Variants in CDH13 observed in about 807,000 individuals in gnomAD.
CDH13 encodes the protein cadherin 13, also known as cadherin-13.
CDH13 carries 24 observed loss-of-function variants against 63.8 expected under a neutral mutation model. That is an observed-to-expected ratio of 0.38 (90% CI 0.27 to 0.53). The LOEUF is 0.53. Among genes scored for constraint, CDH13 ranks in the 20% least tolerant of loss-of-function variants. The pLI, the probability that CDH13 is intolerant of heterozygous loss-of-function variation, is 0.85. For missense variants in CDH13, 1,049 were observed against 903.1 expected, an observed-to-expected ratio of 1.16 and a Z score of -2.07; for synonymous variants, 503 against 355.3, an observed-to-expected ratio of 1.42 and a Z score of -4.67.
intron 1 of CDH13, among the ~76,000 whole-genome samples, chr16:82,694,911 G>T (rs2030072664): frequency 6.6e-6 from 1 of 152,114 alleles, no homozygotes; most frequent in African/African-American, 2.4e-5. Context: ...ATAACAGATG[G>T]AACTGAGGAG....
chr16:82,881,543 T>C (rs1472632210), intron 2 of CDH13, among the ~76,000 whole-genome samples: 1 of 152,224 alleles, frequency 6.6e-6, no homozygotes, highest in Non-Finnish European at 1.5e-5. Flanking sequence ...AGGAAAAGAC[T>C]GTCTTTAGCC....
At chr16:83,693,609 G>C (rs1905099910) in intron 10 of CDH13, among the ~76,000 whole-genome samples, 1 of 152,196 alleles carries the variant, frequency 6.6e-6, no homozygotes. Flanking sequence ...CTGTTTGCTT[G>C]CCTGTAAGCA....
intron 4 of CDH13, among the ~76,000 whole-genome samples, chr16:83,211,876 C>G (rs2039349118): frequency 6.6e-6 from 1 of 151,972 alleles, no homozygotes; most frequent in Admixed American, 6.6e-5. Flanking sequence ...CTTTCTCATC[C>G]TTAGCTATTT....
chr16:82,791,052 A>G (rs2151135713), intron 1 of CDH13, among the ~76,000 whole-genome samples: 1 of 152,296 alleles, frequency 6.6e-6, no homozygotes, highest in East Asian at 1.9e-4. Context: ...CCTGGCTAAC[A>G]CAGTGAAATT....
intron 6 of CDH13, among the ~76,000 whole-genome samples, chr16:83,456,737 A>G (rs1310863101): frequency 6.6e-6 from 1 of 152,154 alleles, no homozygotes; most frequent in Non-Finnish European, 1.5e-5. Context: ...CAAGGCGGGC[A>G]GATCACCTGA....
intron 5 of CDH13, among the ~76,000 whole-genome samples, chr16:83,238,880 C>T (rs1904289636): frequency 6.6e-6 from 1 of 152,138 alleles, no homozygotes; most frequent in African/African-American, 2.4e-5. Flanking sequence ...CTTCTTCTGT[C>T]CTGATGTTAG....
chr16:83,171,140 G>C (rs1238614434), intron 4 of CDH13, among the ~76,000 whole-genome samples: 1 of 152,110 alleles, frequency 6.6e-6, no homozygotes, highest in African/African-American at 2.4e-5. Context: ...TCTGCCTCTG[G>C]GGAGGCCTTA....
Position 83,765,365 on chromosome 16 carries a change from G to A in CDH13, c.1682-14603G>A, listed in dbSNP as rs563445766. ...AAAAAAACCAAAAAGTTGAATTTTT[G>A]TACAACAGTTTAGTTTTACATTATT... On this transcript the variant is annotated intron_variant, in intron 11 of 13. Coordinates refer to ENST00000567109, the MANE Select transcript of CDH13 (RefSeq NM_001257.5). Among the ~76,000 whole-genome samples the A allele has an allele frequency of 5.9e-5, 9 of 151,804 alleles. No homozygotes were observed. The East Asian group carries it at 1.4e-3, about 23-fold the overall frequency.
At chr16:83,230,888 A>C (rs776602368) in intron 5 of CDH13, among the ~76,000 whole-genome samples, 7 of 152,230 alleles carry the variant, frequency 4.6e-5, no homozygotes, top group Non-Finnish European at 4.4e-5. Flanking sequence ...TCTGGGCCCT[A>C]AGATAGAAAG....
intron 2 of CDH13, among the ~76,000 whole-genome samples, chr16:83,021,344 A>G (rs968992995): frequency 2.0e-5 from 3 of 152,236 alleles, no homozygotes; most frequent in African/African-American, 7.2e-5. Flanking sequence ...ACAAATTCGT[A>G]GTGATTATAA....
chr16:83,253,017 G>A (rs149920118), intron 5 of CDH13, among the ~76,000 whole-genome samples: 1 of 152,064 alleles, frequency 6.6e-6, no homozygotes, highest in Non-Finnish European at 1.5e-5. Flanking sequence ...AGAGAATTGA[G>A]GTATTGCGTG....
intron 1 of CDH13, among the ~76,000 whole-genome samples, chr16:82,773,773 GT>G (rs2035366024): frequency 6.6e-6 from 1 of 150,478 alleles, no homozygotes; most frequent in Non-Finnish European, 1.5e-5. Flanking sequence ...TGTGAATATT[GT>G]TTTTCTTCTT....
intron 3 of CDH13, among the ~76,000 whole-genome samples, chr16:83,073,328 T>A (rs1470723270): frequency 1.5e-5 from 2 of 130,546 alleles, no homozygotes; most frequent in African/African-American, 6.6e-5. Context: ...TGTCTGTGTG[T>A]GTGTGTGTGT....
chr16:83,654,126 A>G (rs1038086258), intron 8 of CDH13, among the ~76,000 whole-genome samples: 3 of 152,108 alleles, frequency 2.0e-5, no homozygotes, highest in African/African-American at 7.2e-5. Flanking sequence ...AAAAGTGTGG[A>G]TAGAGGATGA....
At chr16:82,680,590 G>C (rs1010472164) in intron 1 of CDH13, among the ~76,000 whole-genome samples, 20 of 152,122 alleles carry the variant, frequency 1.3e-4, no homozygotes, top group Non-Finnish European at 2.2e-4. Context: ...AGACATAAAT[G>C]GGTTACTCTG....
intron 6 of CDH13, among the ~76,000 whole-genome samples, chr16:83,470,786 C>A (rs1005119995): frequency 6.6e-6 from 1 of 152,178 alleles, no homozygotes. Context: ...CTAGTATGAG[C>A]TTCCTTTTGT....
At chr16:83,556,585 C>T (rs538257885) in intron 7 of CDH13, among the ~76,000 whole-genome samples, 1 of 152,188 alleles carries the variant, frequency 6.6e-6, no homozygotes, top group African/African-American at 2.4e-5. Context: ...GTGGTTCTGT[C>T]AGGATTTGAA....
chr16:83,745,259 T>C (rs1040643448), intron 10 of CDH13, among the ~76,000 whole-genome samples: 4 of 152,140 alleles, frequency 2.6e-5, no homozygotes, highest in African/African-American at 9.7e-5. Flanking sequence ...AGCAGGAGCC[T>C]CTCCTGGCGT....
At chr16:83,382,044 A>C (rs898665316) in intron 6 of CDH13, among the ~76,000 whole-genome samples, 1 of 152,166 alleles carries the variant, frequency 6.6e-6, no homozygotes, top group Non-Finnish European at 1.5e-5. Flanking sequence ...TGGGTCCCAT[A>C]ATCCAATGTG....
Sources: gnomAD v4.1 joint callset for allele counts (sites outside exome capture counted in the v4.1 genomes callset) on GRCh38, gnomAD v4.1.1 for gene constraint, MANE v1.5 for transcripts, NCBI Gene and HGNC (gene_info 2026-07-23, HGNC 2026-07-21) for gene names.